The following DHX29 variants were observed in gnomAD, a reference collection of about 807,000 sequenced individuals.
DHX29 encodes DExH-box helicase 29.
A neutral mutation model predicts 167.9 loss-of-function variants in DHX29; 79 were observed. The ratio of observed to expected loss-of-function variants is 0.47; its 90% CI spans 0.39 to 0.57. The LOEUF (loss-of-function observed/expected upper bound fraction) is 0.57, where lower values mean the gene tolerates loss of function less well. DHX29 is among the 20% of genes least tolerant of loss of function. The pLI is 0.00. For synonymous variants in DHX29, 530 were observed against 546.0 expected, an observed-to-expected ratio of 0.97 and a Z score of 0.41; for missense variants, 1,347 against 1,593.4, an observed-to-expected ratio of 0.85 and a Z score of 2.63.
At chr5:55,271,832 T>C (rs1167258077) in intron 18 of DHX29, among the ~76,000 whole-genome samples, 1 of 152,220 alleles carries the variant, frequency 6.6e-6, no homozygotes, top group Non-Finnish European at 1.5e-5. Context: ...ATTTATGTTC[T>C]GAAAATTTTT....
At position 55,272,126 on chromosome 5, in the gene DHX29, A is replaced by T. The variant is rs1341419579; in HGVS notation, c.2825T>A (p.Val942Asp). Residue 942 changes from valine (V) to aspartate (D), a missense_variant, in exon 18 of 27, where the codon GTT (valine) becomes GAT (aspartate). Coordinates refer to ENST00000251636, the MANE Select transcript of DHX29 (RefSeq NM_019030.4). ...IAETGITIPDVVFVIDTGRTK... is the reference protein window; with the variant it reads ...IAETGITIPDDVFVIDTGRTK... ...TCTTCCAGTATCAATTACAAATACA[A>T]CATCAGGAATAGTGATACCCGTCTC... is the stretch of plus-strand genomic sequence containing the variant. 6.9e-6 allele frequency: 11 copies of T among 1,583,846 alleles called. No homozygotes were observed. The highest frequency in any genetic ancestry group is 9.4e-6 in the Non-Finnish European group (11 of 1,168,014).
chr5:55,266,237 T>A (rs982855771), intron 23 of DHX29, among the ~76,000 whole-genome samples: 2 of 151,046 alleles, frequency 1.3e-5, no homozygotes, highest in Non-Finnish European at 2.9e-5. Flanking sequence ...GACCTCATGA[T>A]CCACCCGCCT....
chr5:55,269,070 AC>A (rs1441234490), intron 21 of DHX29, among the ~76,000 whole-genome samples: 1 of 151,812 alleles, frequency 6.6e-6, no homozygotes, highest in Non-Finnish European at 1.5e-5. Flanking sequence ...ACATGGTGAA[AC>A]CCCATCTCTA....
At chr5:55,279,073 A>C (rs771705004) in intron 12 of DHX29, among the ~76,000 whole-genome samples, 2 of 152,244 alleles carry the variant, frequency 1.3e-5, no homozygotes, top group Non-Finnish European at 2.9e-5. Flanking sequence ...GGAGGAGAGC[A>C]AAATAAAGCA....
At chr5:55,262,419 G>A (rs894709726) in intron 24 of DHX29, among the ~76,000 whole-genome samples, 3 of 152,126 alleles carry the variant, frequency 2.0e-5, no homozygotes, top group African/African-American at 4.8e-5. Flanking sequence ...AAAAGATGAT[G>A]GGCAGAGTAG....
chr5:55,287,089 T>C (rs1747770870), intron 8 of DHX29, among the ~76,000 whole-genome samples: 1 of 152,230 alleles, frequency 6.6e-6, no homozygotes. Context: ...TTACCTTTTC[T>C]ACTGTACACT....
intron 14 of DHX29, 26 bp downstream of exon 14, chr5:55,276,240 T>C: frequency 6.5e-7 from 1 of 1,547,070 alleles, no homozygotes; most frequent in Non-Finnish European, 8.7e-7. Flanking sequence ...CATTATCTGA[T>C]ATCTTTCAAA....
chr5:55,276,525 G>GA, intron 13 of DHX29, 119 bp from the exon 14 acceptor site: 7 of 806,310 alleles, frequency 8.7e-6, no homozygotes, highest in Non-Finnish European at 1.3e-5. Flanking sequence ...AGAATATTAT[G>GA]AAAAAAAATT....
chr5:55,270,851 T>C (rs1746820517), intron 18 of DHX29, 145 bp from the exon 19 acceptor site: 1 of 619,326 alleles, frequency 1.6e-6, no homozygotes, highest in African/African-American at 1.8e-5. Context: ...TTATGCTTCA[T>C]ATTTAAATAA....
intron 12 of DHX29, among the ~76,000 whole-genome samples, chr5:55,280,328 T>C (rs1747338302): frequency 6.6e-6 from 1 of 152,220 alleles, no homozygotes; most frequent in Non-Finnish European, 1.5e-5. Context: ...TCCTGATCTA[T>C]ATTTACCAAG....
intron 12 of DHX29, among the ~76,000 whole-genome samples, chr5:55,281,073 A>G (rs1016927554): frequency 2.7e-5 from 4 of 147,320 alleles, no homozygotes; most frequent in Non-Finnish European, 6.0e-5. Flanking sequence ...ACACACACAC[A>G]CACACACGCT....
chr5:55,266,532 C>T (rs1157016583), intron 23 of DHX29, among the ~76,000 whole-genome samples: 1 of 150,934 alleles, frequency 6.6e-6, no homozygotes, highest in Non-Finnish European at 1.5e-5. Context: ...TGGTCTCAAA[C>T]TCCCAACCTC....
rs1747702000 is a variant in DHX29 at position 55,285,983 on chromosome 5, A to G, written c.1067-122T>C. 4 of 713,140 alleles carry G rather than the reference A, an allele frequency of 5.6e-6. No homozygotes were observed. In the South Asian group the frequency reaches 9.0e-5, roughly 16 times the overall value. 44.2% of individuals were successfully genotyped at this position (713,140 alleles called of 1,614,324 possible). The stretch of plus-strand genomic sequence containing the variant: ...GAAGATAATACTTGAGGCCAGGTGC[A>G]GTGGCTCATGCCTGTAATCCCAGCA... On this transcript the variant is annotated intron_variant, in intron 8 of 26. Transcript: ENST00000251636.
chr5:55,273,546 C>T (rs139234284), intron 16 of DHX29, 169 bp from the exon 17 acceptor site: 1,077 of 746,040 alleles, frequency 1.4e-3, no homozygotes, highest in South Asian at 1.9e-3. Context: ...CATATACATG[C>T]ATCACAAAGA....
chr5:55,268,098 G>A (rs1579760955), intron 21 of DHX29, among the ~76,000 whole-genome samples: 1 of 151,834 alleles, frequency 6.6e-6, no homozygotes, highest in African/African-American at 2.4e-5. Context: ...GTGAGGTAAG[G>A]AGGCAATTAT....
chr5:55,279,704 TTTTTGTTTTG>T (rs1161018613), intron 12 of DHX29: 17 of 156,668 alleles, frequency 1.1e-4, no homozygotes, highest in African/African-American at 3.4e-4. Context: ...TGTGTGGGGT[TTTTTGTTTTG>T]TTTTGTTTTG....
At chr5:55,290,373 GA>G (rs545241101) in intron 6 of DHX29, 29 bp from the exon 7 acceptor site, 394 of 1,505,972 alleles carry the variant, frequency 2.6e-4, no homozygotes, top group African/African-American at 1.7e-3. Context: ...TGAGGAGGGG[GA>G]AAAAAAAAGA....
rs917421064 is a variant in DHX29 at position 55,277,049 on chromosome 5, A to T, written c.2286+57T>A. The T allele has an allele frequency of 1.9e-5, 25 of 1,337,630 alleles. No homozygotes were observed. In the African/African-American group the frequency reaches 2.2e-4, roughly 12 times the overall value. 82.9% of individuals were successfully genotyped at this position (1,337,630 alleles called of 1,614,324 possible). Reference sequence around the variant, plus strand: ...GACTACAAGTGCCCATCTTCTAGGGAAAGAACCTGGTGGGAATGCAGTTTC... The same window carrying T: ...GACTACAAGTGCCCATCTTCTAGGGTAAGAACCTGGTGGGAATGCAGTTTC... On this transcript the variant is annotated intron_variant, in intron 13 of 26. Transcript: ENST00000251636.
intron 13 of DHX29, among the ~76,000 whole-genome samples, chr5:55,276,774 T>G (rs1196780206): frequency 1.3e-5 from 2 of 152,128 alleles, no homozygotes; most frequent in East Asian, 3.8e-4. Flanking sequence ...TATTGCCAGG[T>G]AGCCACTCTT....
Sources: allele counts gnomAD v4.1 joint callset (sites outside exome capture counted in the v4.1 genomes callset), GRCh38; gene constraint gnomAD v4.1.1; transcripts MANE v1.5; gene names NCBI Gene and HGNC (gene_info 2026-07-23, HGNC 2026-07-21).